E2F6: variants seen among roughly 807,000 people sequenced by gnomAD.
E2F6 encodes E2F transcription factor 6.
E2F6 carries 19 observed loss-of-function variants against 31.5 expected under a neutral mutation model. The ratio of observed to expected loss-of-function variants is 0.60; its 90% CI spans 0.42 to 0.89. The LOEUF (loss-of-function observed/expected upper bound fraction) is 0.89. Among genes scored for constraint, E2F6 ranks in the 40% least tolerant of loss-of-function variants. The pLI is 0.00. For missense variants in E2F6, 269 were observed against 341.6 expected (o/e 0.79, Z 1.67); for synonymous variants, 121 against 127.7 (o/e 0.95, Z 0.36).
At chr2:11,460,323 C>G (rs535639251) in intron 1 of E2F6, among the ~76,000 whole-genome samples, 2 of 230 alleles carry the variant, frequency 8.7e-3, no homozygotes, top group South Asian at 0.5. Flanking sequence ...CCTTATTTTT[C>G]AATTATGCAG....
At chr2:11,458,324 A>G in intron 1 of E2F6, 1 of 1,551,806 alleles carries the variant, frequency 6.4e-7, no homozygotes, top group Non-Finnish European at 8.7e-7. Context: ...AGCCTAGCCC[A>G]GCAAGCCAGA....
At chr2:11,451,039 T>C (rs73915200) in intron 4 of E2F6, among the ~76,000 whole-genome samples, 2,562 of 152,136 alleles carry the variant, frequency 0.017, 93 homozygotes, top group African/African-American at 0.059. Flanking sequence ...AACAACGCGC[T>C]TCTGTGGACA....
In E2F6 at chr2:11,465,863, G is replaced by A. The variant is rs1376106102; in HGVS notation, c.17C>T (p.Pro6Leu). MSQQR[P>L]ARKLPSLLLD... Reference sequence around the variant, plus strand: ...GAGGAGACTGGGTAACTTCCTCGCCGGCCGCTGCTGACTCATGCTGCCCGG... The same window carrying A: ...GAGGAGACTGGGTAACTTCCTCGCCAGCCGCTGCTGACTCATGCTGCCCGG... The change falls in exon 1 of 7, where the codon CCG becomes CTG. Residue 6 changes from proline to leucine, a missense_variant. By Grantham distance (98) the Pro-to-Leu change is moderately conservative. Coordinates refer to ENST00000381525, the MANE Select transcript of E2F6 (RefSeq NM_198256.4). The A allele has an allele frequency of 8.9e-6, 14 of 1,564,870 alleles. No individual in the cohort carries two copies. The highest frequency in any genetic ancestry group is 1.9e-5 in the Admixed American group (1 of 52,692).
rs538288887 is a variant in E2F6, at chr2:11,446,545, AAATACACCTAAGTG to A, written c.800-36_800-23del. The A allele has an allele frequency of 1.3e-4, 216 of 1,608,198 alleles. 1 individual carries two copies. The South Asian group carries it at 1.6e-3, about 12-fold the overall frequency. On this transcript the variant is annotated intron_variant, in intron 6 of 6. Coordinates refer to ENST00000381525, the MANE Select transcript of E2F6 (RefSeq NM_198256.4). ...TCTTCTGGAAAAGAACACGAGAGAG[AAATACACCTAAGTG>A]AATACACCTAAGTGAAGGTCTGATA... is the stretch of plus-strand genomic sequence containing the variant.
chr2:11,451,650 T>G lies in E2F6; in HGVS notation c.536+1A>C. The G allele has an allele frequency of 6.2e-7, 1 of 1,609,344 alleles. No individual in the cohort carries two copies. On this transcript the variant is annotated splice_donor_variant, in intron 4 of 6. Transcript: ENST00000381525. LOFTEE classifies it high-confidence loss of function. ...TAAAAAGGTATAGACTTAAAGGATATCTTTCATTTTCTTTGTCATCTGTTA... is the reference window on the plus strand; with the variant it reads ...TAAAAAGGTATAGACTTAAAGGATAGCTTTCATTTTCTTTGTCATCTGTTA...
chr2:11,449,320 T>C (rs1199261273), intron 5 of E2F6, among the ~76,000 whole-genome samples: 1 of 152,128 alleles, frequency 6.6e-6, no homozygotes, highest in Non-Finnish European at 1.5e-5. Context: ...GAAAATATTC[T>C]TCGCTAGGCA....
chr2:11,451,949 T>C (rs913353817), intron 3 of E2F6, 143 bp from the exon 4 acceptor site: 2 of 753,974 alleles, frequency 2.7e-6, no homozygotes, highest in Admixed American at 2.9e-5. Context: ...ACTTCTGCCG[T>C]CTTTGTTCTA....
intron 1 of E2F6, among the ~76,000 whole-genome samples, chr2:11,463,028 T>C (rs1671881831): frequency 6.6e-6 from 1 of 152,208 alleles, no homozygotes; most frequent in Admixed American, 6.5e-5. Flanking sequence ...ATACCAGAAC[T>C]GTATGTCTAA....
rs1672201668 is a variant in E2F6 at position 11,466,126 on chromosome 2, G to T, written c.-247C>A. On this transcript the variant is annotated 5_prime_UTR_variant, in exon 1 of 7. Coordinates refer to ENST00000381525, the MANE Select transcript of E2F6 (RefSeq NM_198256.4). ...GAGGGAGACCCGCGGATCTCAAGTC[G>T]CCCGGCCCGCCATCTTCCCGCATGC... The T allele has an allele frequency of 2.1e-6, 1 of 465,414 alleles. No homozygotes were observed. Among genetic ancestry groups the T allele is most frequent in the East Asian group, 3.9e-5 (1 of 25,430 alleles). The allele number at this position is 465,414 out of a possible 1,614,324, so 28.8% of individuals were successfully genotyped here. A position where few individuals can be genotyped will look rare whatever the true frequency, so the allele number is the denominator to read the frequency against.
At chr2:11,457,618 G>A (rs1007900517) in intron 1 of E2F6, among the ~76,000 whole-genome samples, 8 of 152,150 alleles carry the variant, frequency 5.3e-5, no homozygotes, top group South Asian at 2.1e-4. Flanking sequence ...GCAAGACTCC[G>A]TCTCAAAAAA....
Position 11,451,798 on chromosome 2 carries a change from T to G in E2F6, c.389A>C (p.Asp130Ala). Reference sequence around the variant, plus strand: ...GGGAACTGCTCCAAAATTGCTAAGATCAGATCCTCTTTAGAAGAAAAAAAA... The same window carrying G: ...GGGAACTGCTCCAAAATTGCTAAGAGCAGATCCTCTTTAGAAGAAAAAAAA... ...SKNHIRWIGS[D>A]LSNFGAVPQQ... The change falls in exon 4 of 7, where the codon GAT becomes GCT. Residue 130 changes from aspartate (D) to alanine (A), a missense_variant. Asp to Ala is a moderately radical substitution (Grantham distance 126). Coordinates refer to ENST00000381525, the MANE Select transcript of E2F6 (RefSeq NM_198256.4). 1 of 1,608,198 alleles carries G rather than the reference T, an allele frequency of 6.2e-7. No homozygotes were observed.
rs373601582 is a variant in E2F6 at position 11,465,517 on chromosome 2, A to T, written c.108+255T>A. 1.6e-4 allele frequency among the ~76,000 whole-genome samples: 25 copies of T among 152,256 alleles called. 2 individuals carry two copies. The East Asian group carries it at 4.0e-3, about 25-fold the overall frequency. ...GAAGGAGATAAACATGGACTCTCTA[A>T]TGCAAAGTTGAGCAATTTTCTCCAA... is the stretch of plus-strand genomic sequence containing the variant. On this transcript the variant is annotated intron_variant, in intron 1 of 6. Coordinates refer to ENST00000381525, the MANE Select transcript of E2F6 (RefSeq NM_198256.4).
chr2:11,455,304 A>G, intron 2 of E2F6: 2 of 1,092,708 alleles, frequency 1.8e-6, no homozygotes, highest in Admixed American at 4.5e-5. Flanking sequence ...TCCACAGCAC[A>G]CCACAGTCAG....
At position 11,453,617 on chromosome 2, in the gene E2F6, G is replaced by A. The variant is rs770560673; in HGVS notation, c.345C>T (p.Leu115=). 6 of 1,613,964 alleles carry A rather than the reference G, an allele frequency of 3.7e-6. No individual in the cohort carries two copies. The highest frequency in any genetic ancestry group is 2.2e-5 in the East Asian group (1 of 44,890). ...TATGGTTCTTGGATTTCTTTTCAAC[G>A]AGGTCGATTCCATCTAAGACATTGG... ...DITNVLDGID[L]VEKKSKNHIR... The change falls in exon 3 of 7, where the codon CTC becomes CTT. Residue 115 remains leucine, a synonymous_variant. Coordinates refer to ENST00000381525, the MANE Select transcript of E2F6 (RefSeq NM_198256.4).
Position 11,457,168 on chromosome 2 carries a change from A to C in E2F6, c.163+11T>G. 6.5e-7 allele frequency: 1 copy of C among 1,540,796 alleles called. No homozygotes were observed. Among genetic ancestry groups the C allele is most frequent in the East Asian group, 2.3e-5 (1 of 44,272 alleles). ...TAACAAAACCTAAAACCTATTCAGGAATCAACTTACTTCTCATGGACACAT... is the reference window on the plus strand; with the variant it reads ...TAACAAAACCTAAAACCTATTCAGGCATCAACTTACTTCTCATGGACACAT... On this transcript the variant is annotated intron_variant, in intron 2 of 6. Transcript: ENST00000381525.
At chr2:11,460,787 T>C (rs1671727409) in intron 1 of E2F6, among the ~76,000 whole-genome samples, 2 of 152,298 alleles carry the variant, frequency 1.3e-5, no homozygotes, top group South Asian at 2.1e-4. Flanking sequence ...CTGAATACTG[T>C]AGATAACGGT....
rs138646120 is a variant in E2F6 at position 11,454,608 on chromosome 2, C to T, written c.164-810G>A. Among the ~76,000 whole-genome samples the T allele has an allele frequency of 3.7e-4, 56 of 152,084 alleles. 2 individuals are homozygous for T. Among genetic ancestry groups the T allele is most frequent in the African/African-American group, 1.3e-3 (54 of 41,476 alleles). ...CTGTGATCCACCTGCCTCAGCCTCC[C>T]GAAGTACTGGGATTACAGGCATTAA... On this transcript the variant is annotated intron_variant, in intron 2 of 6. Transcript: ENST00000381525.
At chr2:11,464,025 C>T (rs1330374455) in intron 1 of E2F6, among the ~76,000 whole-genome samples, 1 of 148,756 alleles carries the variant, frequency 6.7e-6, no homozygotes, top group Non-Finnish European at 1.5e-5. Flanking sequence ...CAAGGAGAAG[C>T]CAGAGAAGCA....
At chr2:11,458,484 G>A in intron 1 of E2F6, 1 of 843,962 alleles carries the variant, frequency 1.2e-6, no homozygotes, top group Non-Finnish European at 2.0e-6. Flanking sequence ...CTTTGAAGCT[G>A]GGAGGGCATG....
Sources: gnomAD v4.1 joint callset for allele counts (sites outside exome capture counted in the v4.1 genomes callset) on GRCh38, gnomAD v4.1.1 for gene constraint, MANE v1.5 for transcripts, NCBI Gene and HGNC (gene_info 2026-07-23, HGNC 2026-07-21) for gene names.